ANK3: variants seen among roughly 807,000 people sequenced by gnomAD.
The protein encoded by ANK3 is ankyrin 3.
A neutral mutation model predicts 370.9 loss-of-function variants in ANK3; 57 were observed. The ratio of observed to expected loss-of-function variants is 0.15; its 90% CI spans 0.12 to 0.19. ANK3 has a LOEUF of 0.19. ANK3 is among the 10% of genes least tolerant of loss of function. The probability of loss-of-function intolerance (pLI) is 1.00; values close to 1 mark genes in which losing one functional copy is unlikely to be tolerated. For missense variants in ANK3, 4,439 were observed against 5,302.1 expected, an observed-to-expected ratio of 0.84 and a Z score of 5.06; for synonymous variants, 1,929 against 1,946.3, an observed-to-expected ratio of 0.99 and a Z score of 0.23.
chr10:60,282,563 T>A lies in ANK3; in HGVS notation c.115-2924A>T, dbSNP rs10994292. On this transcript the variant is annotated intron_variant, in intron 1 of 43. Transcript: ENST00000280772. ...CATACACAATTTGCACATAATTTCA[T>A]GTGGTTCAGGAGTGCTAAGCTTGCT... Among the ~76,000 whole-genome samples the A allele has an allele frequency of 8.1e-3, 1,237 of 152,222 alleles. 11 individuals are homozygous for A. Among genetic ancestry groups the A allele is most frequent in the Non-Finnish European group, 0.011 (720 of 67,984 alleles).
chr10:60,224,808 G>A (rs957939437), intron 8 of ANK3, among the ~76,000 whole-genome samples: 4 of 151,990 alleles, frequency 2.6e-5, no homozygotes, highest in African/African-American at 9.7e-5. Flanking sequence ...AATGTAGAGA[G>A]TCCTTCAAGA....
rs566551320 is a variant in ANK3, at chr10:60,630,477, A to G, written c.58-15253T>C. 1.5e-4 allele frequency among the ~76,000 whole-genome samples: 23 copies of G among 152,304 alleles called. No homozygotes were observed. In the East Asian group the frequency reaches 3.9e-3, roughly 26 times the overall value. On this transcript the variant is annotated intron_variant, in intron 1 of 43. Transcript: ENST00000373827. ...CTTATGTTCCAGCAGAAAATGTTAG[A>G]AAATAAGTAAGTAAACAAAGGCAAT...
At chr10:60,068,174 G>A (rs556214206) in intron 37 of ANK3, among the ~76,000 whole-genome samples, 165 bp from the exon 38 acceptor site, 1 of 152,312 alleles carries the variant, frequency 6.6e-6, no homozygotes, top group East Asian at 1.9e-4. Context: ...TGGCTCACTT[G>A]TTTTTCACCT....
At chr10:60,629,774 G>A (rs891119054) in intron 1 of ANK3, among the ~76,000 whole-genome samples, 3 of 151,966 alleles carry the variant, frequency 2.0e-5, no homozygotes, top group African/African-American at 7.3e-5. Context: ...GGTATTTAAA[G>A]AATCTACATC....
intron 1 of ANK3, among the ~76,000 whole-genome samples, chr10:60,682,347 G>A (rs74155682): frequency 0.012 from 1,780 of 151,480 alleles, 34 homozygotes; most frequent in African/African-American, 0.04. Context: ...TCCTGATTCT[G>A]CCACTTGATA....
At chr10:60,553,853 G>T (rs1029772848) in intron 2 of ANK3, among the ~76,000 whole-genome samples, 1 of 152,176 alleles carries the variant, frequency 6.6e-6, no homozygotes, top group African/African-American at 2.4e-5. Flanking sequence ...ACTGATTATG[G>T]CAACTAGCCC....
chr10:60,270,600 A>G (rs1470945104), intron 4 of ANK3, among the ~76,000 whole-genome samples: 2 of 152,204 alleles, frequency 1.3e-5, no homozygotes, highest in South Asian at 2.1e-4. Flanking sequence ...CTATGAGACT[A>G]TGAAGAAAAA....
At chr10:60,697,438 A>T (rs1370064516) in intron 1 of ANK3, among the ~76,000 whole-genome samples, 1 of 150,112 alleles carries the variant, frequency 6.7e-6, no homozygotes, top group Non-Finnish European at 1.5e-5. Flanking sequence ...AAGAGCCCGC[A>T]TCGCCAAGTC....
Position 60,072,542 on chromosome 10 carries a change from A to G in ANK3, c.8339T>C (p.Val2780Ala). ...TTTTAATACCATAAAATCTTTTTGC[A>G]CAGATACACTTTCATCTGGGAGGTC... ...AIDLPDESVS[V>A]QKDFMVLKTK... Residue 2780 changes from valine (V) to alanine (A), a missense_variant, in exon 37 of 44, where the codon GTG becomes GCG. This residue lies in a region of ANK3 where 1,601 missense variants were observed against 1,731.7 expected (regional missense o/e 0.92). Transcript: ENST00000280772. The G allele has an allele frequency of 6.2e-7, 1 of 1,613,410 alleles. No homozygotes were observed. Among genetic ancestry groups the G allele is most frequent in the African/African-American group, 1.3e-5 (1 of 74,940 alleles).
At chr10:60,626,312 A>T (rs1381537239) in intron 1 of ANK3, among the ~76,000 whole-genome samples, 1 of 152,192 alleles carries the variant, frequency 6.6e-6, no homozygotes, top group Non-Finnish European at 1.5e-5. Flanking sequence ...TTGTGATAAT[A>T]TATTTGCTTC....
chr10:60,226,564 CATAGTATATGTATATATACTATGT>C (rs2097162869), intron 8 of ANK3, among the ~76,000 whole-genome samples: 1 of 25,856 alleles, frequency 3.9e-5, no homozygotes, highest in Non-Finnish European at 6.9e-5. Flanking sequence ...AGTATATATA[CATAGTATATGTATATATACTATGT>C]ATATATACTA....
chr10:60,593,394 A>T (rs1035303679), intron 2 of ANK3, among the ~76,000 whole-genome samples: 1 of 152,202 alleles, frequency 6.6e-6, no homozygotes, highest in Non-Finnish European at 1.5e-5. Flanking sequence ...ACCCCAGGAT[A>T]TCGTGCCTTG....
At chr10:60,154,680 A>T (rs528307086) in intron 23 of ANK3, among the ~76,000 whole-genome samples, 2 of 152,128 alleles carry the variant, frequency 1.3e-5, no homozygotes, top group Non-Finnish European at 2.9e-5. Flanking sequence ...CTGTAGTCCC[A>T]ACTACTCAGG....
intron 2 of ANK3, among the ~76,000 whole-genome samples, chr10:60,589,220 T>C (rs998484186): frequency 6.6e-6 from 1 of 152,152 alleles, no homozygotes; most frequent in Non-Finnish European, 1.5e-5. Context: ...GAGTTACAAA[T>C]GAAAAAGAAA....
intron 1 of ANK3, among the ~76,000 whole-genome samples, chr10:60,305,762 GT>G (rs2044896185): frequency 6.6e-6 from 1 of 152,120 alleles, no homozygotes; most frequent in South Asian, 2.1e-4. Context: ...TCAAACTACT[GT>G]CACTCATCTC....
At chr10:60,061,352 C>T (rs1294640803) in intron 40 of ANK3, among the ~76,000 whole-genome samples, 2 of 152,156 alleles carry the variant, frequency 1.3e-5, no homozygotes, top group Non-Finnish European at 2.9e-5. Flanking sequence ...AAAGCCATTT[C>T]ATTTTTGACT....
chr10:60,195,250 G>A (rs1420127918), intron 16 of ANK3, among the ~76,000 whole-genome samples: 2 of 152,064 alleles, frequency 1.3e-5, no homozygotes, highest in Non-Finnish European at 2.9e-5. Flanking sequence ...CAGGTGTGGT[G>A]GCAGGTGCCT....
At chr10:60,552,514 G>A (rs2077110506) in intron 2 of ANK3, among the ~76,000 whole-genome samples, 1 of 152,180 alleles carries the variant, frequency 6.6e-6, no homozygotes. Flanking sequence ...TGGACACCTT[G>A]TGAATTTGGT....
chr10:60,226,769 T>G (rs944898425), intron 8 of ANK3, among the ~76,000 whole-genome samples: 1 of 146,004 alleles, frequency 6.8e-6, no homozygotes, highest in Non-Finnish European at 1.5e-5. Flanking sequence ...ATATTACATA[T>G]ATACTGAATT....
Sources: gnomAD v4.1 joint callset for allele counts (sites outside exome capture counted in the v4.1 genomes callset) on GRCh38, gnomAD v4.1.1 for gene constraint, gnomAD v4.1.1 regional missense constraint, MANE v1.5 for transcripts, NCBI Gene and HGNC (gene_info 2026-07-23, HGNC 2026-07-21) for gene names.